KALRN: variants seen among roughly 807,000 people sequenced by gnomAD.
KALRN encodes kalirin.
A neutral mutation model predicts 353.7 loss-of-function variants in KALRN; 70 were observed. The ratio of observed to expected loss-of-function variants is 0.20; its 90% CI spans 0.16 to 0.24. KALRN has a LOEUF of 0.24. Among genes scored for constraint, KALRN ranks in the 10% least tolerant of loss-of-function variants. The pLI is 1.00. For synonymous variants in KALRN, 1,391 were observed against 1,434.8 expected (o/e 0.97, Z 0.69); for missense variants, 2,791 against 3,756.7 (o/e 0.74, Z 6.72).
chr3:124,562,780 C>T, intron 33 of KALRN, 63 bp from the exon 34 acceptor site: 1 of 1,256,500 alleles, frequency 8.0e-7, no homozygotes, highest in Middle Eastern at 2.2e-4. Context: ...AACCCTCTCC[C>T]ATATTTCTCC....
At chr3:124,237,192 A>G (rs2079884969) in intron 3 of KALRN, among the ~76,000 whole-genome samples, 1 of 152,164 alleles carries the variant, frequency 6.6e-6, no homozygotes, top group African/African-American at 2.4e-5. Context: ...ATGGCTTTGG[A>G]AGAGAAAGGG....
At chr3:124,262,332 G>A (rs1267188032) in intron 3 of KALRN, among the ~76,000 whole-genome samples, 1 of 152,192 alleles carries the variant, frequency 6.6e-6, no homozygotes, top group Non-Finnish European at 1.5e-5. Flanking sequence ...AGGCCTGGGT[G>A]TTATAAAGTC....
chr3:124,066,674 C>G (rs2042388863), intron 1 of KALRN, among the ~76,000 whole-genome samples: 1 of 152,182 alleles, frequency 6.6e-6, no homozygotes, highest in Non-Finnish European at 1.5e-5. Flanking sequence ...CTTCTTATCT[C>G]CTGCCACAGC....
At chr3:124,620,429 A>G (rs1477072969) in intron 34 of KALRN, among the ~76,000 whole-genome samples, 1 of 152,190 alleles carries the variant, frequency 6.6e-6, no homozygotes, top group Non-Finnish European at 1.5e-5. Flanking sequence ...TGAACTCTTC[A>G]GAAGTCTTTT....
At chr3:124,387,840 T>C (rs1002193031) in intron 11 of KALRN, among the ~76,000 whole-genome samples, 1 of 152,142 alleles carries the variant, frequency 6.6e-6, no homozygotes, top group Non-Finnish European at 1.5e-5. Flanking sequence ...AAGCAACATT[T>C]TGAGTGGCTG....
At chr3:124,642,807 T>TTGTTTTTTTTTTG (rs1491569517) in intron 37 of KALRN, among the ~76,000 whole-genome samples, 1 of 87,622 alleles carries the variant, frequency 1.1e-5, no homozygotes, top group African/African-American at 6.4e-5. Context: ...CCAAGCCTCG[T>TTGTTTTTTTTTTG]TTTTTTTTTT....
rs2059955391 is a variant in KALRN, at chr3:124,462,584, G to A, written c.3982G>A (p.Glu1328Lys). 6.2e-7 allele frequency: 1 copy of A among 1,613,028 alleles called. No homozygotes were observed. Among genetic ancestry groups the A allele is most frequent in the African/African-American group, 1.3e-5 (1 of 75,008 alleles). ...EEIPPGILNK[E>K]HIIFGNIQEI... ...GATCCCCCCTGGGATCCTCAATAAA[G>A]AGCATATCATCTTTGGCAACATCCA... Residue 1328 changes from glutamate to lysine, a missense_variant, in exon 25 of 60, where the codon GAG (glutamate) becomes AAG (lysine). Around this residue, in one of 11 missense-constraint regions of KALRN, gnomAD observed 268 missense variants for 347.0 expected, o/e 0.77. Coordinates refer to ENST00000682506, the MANE Select transcript of KALRN (RefSeq NM_001388419.1).
Position 124,718,783 on chromosome 3 carries a change from T to C in KALRN, c.8416-142T>C. 5.6e-6 allele frequency: 4 copies of C among 711,072 alleles called. No individual in the cohort carries two copies. The South Asian group carries it at 7.7e-5, about 14-fold the overall frequency. 44.0% of individuals were successfully genotyped at this position (711,072 alleles called of 1,614,324 possible). A position where few individuals can be genotyped will look rare whatever the true frequency, so the allele number is the denominator to read the frequency against. ...TTTGAAGTATCCTATGCAGTTTCCG[T>C]AGTGCATAGGGAATTTTCTGTACAC... On this transcript the variant is annotated intron_variant, in intron 59 of 59. Coordinates refer to ENST00000682506, the MANE Select transcript of KALRN (RefSeq NM_001388419.1).
intron 3 of KALRN, among the ~76,000 whole-genome samples, chr3:124,255,136 G>A (rs1244718227): frequency 6.6e-6 from 1 of 151,996 alleles, no homozygotes; most frequent in Non-Finnish European, 1.5e-5. Flanking sequence ...GTAGAGACAG[G>A]TTTCACCATG....
At chr3:124,422,200 G>C (rs2092812494) in intron 14 of KALRN, among the ~76,000 whole-genome samples, 1 of 152,142 alleles carries the variant, frequency 6.6e-6, no homozygotes, top group African/African-American at 2.4e-5. Flanking sequence ...TAATATATGA[G>C]AGCTAGCTTA....
At position 124,719,545 on chromosome 3, in the gene KALRN, A is replaced by C. The variant is rs1221859433; in HGVS notation, c.*75A>C. On this transcript the variant is annotated 3_prime_UTR_variant, in exon 60 of 60. Transcript: ENST00000682506. This position sits in a 1 kb window ranked among gnomAD's most constrained non-coding sequence, Gnocchi z 5.3. Reference sequence around the variant, plus strand: ...GCAAGACTGAATGTGACTGTAAATAATTCTGTTCATCATTTCACTCCGTGC... The same window carrying C: ...GCAAGACTGAATGTGACTGTAAATACTTCTGTTCATCATTTCACTCCGTGC... 30 of 1,356,012 alleles carry C rather than the reference A, an allele frequency of 2.2e-5. No homozygotes were observed. The East Asian group carries it at 6.9e-4, about 31-fold the overall frequency. 84.0% of individuals were successfully genotyped at this position (1,356,012 alleles called of 1,614,324 possible). A position where few individuals can be genotyped will look rare whatever the true frequency, so the allele number is the denominator to read the frequency against.
At chr3:124,160,885 C>G (rs1011678345) in intron 1 of KALRN, among the ~76,000 whole-genome samples, 1 of 152,022 alleles carries the variant, frequency 6.6e-6, no homozygotes, top group Non-Finnish European at 1.5e-5. Flanking sequence ...TTTTGTAAAC[C>G]TTAAAATGCT....
chr3:124,426,863 A>G (rs924957717), intron 15 of KALRN, among the ~76,000 whole-genome samples: 1 of 152,246 alleles, frequency 6.6e-6, no homozygotes, highest in Admixed American at 6.5e-5. Context: ...CCTAATGAGC[A>G]TAAAACTAAA....
At chr3:124,556,711 T>C (rs1423777151) in intron 33 of KALRN, among the ~76,000 whole-genome samples, 3 of 152,232 alleles carry the variant, frequency 2.0e-5, no homozygotes, top group African/African-American at 7.2e-5. Flanking sequence ...TTAGAGATTG[T>C]TATTGTTGAT....
chr3:124,649,963 TAA>T (rs2083228212), intron 37 of KALRN, among the ~76,000 whole-genome samples: 1 of 112,556 alleles, frequency 8.9e-6, no homozygotes, highest in Non-Finnish European at 1.7e-5. Flanking sequence ...GTCTCTAAAA[TAA>T]AATAATAATA....
intron 1 of KALRN, among the ~76,000 whole-genome samples, chr3:124,053,130 G>A (rs1157698676): frequency 1.3e-5 from 2 of 152,116 alleles, no homozygotes; most frequent in African/African-American, 4.8e-5. Context: ...TCGACCTCTT[G>A]GGCTCAAGGG....
intron 13 of KALRN, among the ~76,000 whole-genome samples, chr3:124,406,832 C>CTT (rs10686645): frequency 0.067 from 8,429 of 126,222 alleles, 1,045 homozygotes; most frequent in African/African-American, 0.22. Flanking sequence ...AGTTGCTTTG[C>CTT]TTTTTTTTTT....
intron 21 of KALRN, among the ~76,000 whole-genome samples, chr3:124,451,356 G>A (rs1016297560): frequency 6.6e-6 from 1 of 152,028 alleles, no homozygotes; most frequent in Non-Finnish European, 1.5e-5. Flanking sequence ...TTTTCCAGCA[G>A]ATAACTAGAA....
chr3:124,704,489 C>A (rs1394742638), intron 57 of KALRN, among the ~76,000 whole-genome samples: 1 of 152,174 alleles, frequency 6.6e-6, no homozygotes, highest in African/African-American at 2.4e-5. Flanking sequence ...TTCAGAAGAT[C>A]TTTTCAAAAT....
Sources: allele counts gnomAD v4.1 joint callset (sites outside exome capture counted in the v4.1 genomes callset), GRCh38; gene constraint gnomAD v4.1.1; regional missense constraint gnomAD v4.1.1; non-coding constraint Gnocchi (gnomAD v3.1); transcripts MANE v1.5; gene names NCBI Gene and HGNC (gene_info 2026-07-23, HGNC 2026-07-21).